Variants in LSAMP observed in about 807,000 individuals in gnomAD.
LSAMP encodes the protein limbic system associated membrane protein.
Under a neutral mutation model 38.6 loss-of-function variants are expected in LSAMP, and 7 were observed. That is an observed-to-expected ratio of 0.18 (90% CI 0.10 to 0.34). The LOEUF (loss-of-function observed/expected upper bound fraction) is 0.34, where lower values mean the gene tolerates loss of function less well. Ranked by LOEUF, LSAMP falls within the 10% of genes least tolerant of loss-of-function variation. LSAMP has a pLI of 1.00. For synonymous variants in LSAMP, 154 were observed against 166.8 expected, an observed-to-expected ratio of 0.92 and a Z score of 0.59; for missense variants, 313 against 420.0, an observed-to-expected ratio of 0.75 and a Z score of 2.23.
intron 1 of LSAMP, among the ~76,000 whole-genome samples, chr3:116,438,360 CT>C (rs1426536526): frequency 6.6e-6 from 1 of 152,080 alleles, no homozygotes; most frequent in Non-Finnish European, 1.5e-5. Context: ...ATAAAAATAG[CT>C]TGTGTAGTAG....
At chr3:116,099,925 T>C (rs1282843717) in intron 1 of LSAMP, among the ~76,000 whole-genome samples, 3 of 152,182 alleles carry the variant, frequency 2.0e-5, no homozygotes, top group Non-Finnish European at 4.4e-5. Flanking sequence ...AGCTGCTCCA[T>C]GTAGATATTT....
At chr3:116,145,062 A>G (rs1016186077) in intron 1 of LSAMP, among the ~76,000 whole-genome samples, 4 of 151,850 alleles carry the variant, frequency 2.6e-5, no homozygotes, top group Non-Finnish European at 5.9e-5. Flanking sequence ...TGATTTTAAT[A>G]TTATCGCTTT....
At chr3:116,393,449 T>C (rs1270526500) in intron 1 of LSAMP, among the ~76,000 whole-genome samples, 1 of 152,196 alleles carries the variant, frequency 6.6e-6, no homozygotes, top group Non-Finnish European at 1.5e-5. Context: ...CATCTGACAG[T>C]GCACAGTGCC....
chr3:116,089,195 A>C (rs947395364), intron 1 of LSAMP, among the ~76,000 whole-genome samples: 3 of 152,244 alleles, frequency 2.0e-5, no homozygotes, highest in African/African-American at 4.8e-5. Flanking sequence ...TGCCAGATGC[A>C]TAAAAGTGCA....
intron 3 of LSAMP, among the ~76,000 whole-genome samples, chr3:115,889,876 T>C (rs1265276050): frequency 1.3e-5 from 2 of 151,918 alleles, no homozygotes; most frequent in African/African-American, 4.8e-5. Flanking sequence ...ACAAATCATA[T>C]TAAGAGCATC....
chr3:116,248,603 T>C (rs2046634381), intron 1 of LSAMP, among the ~76,000 whole-genome samples: 1 of 151,506 alleles, frequency 6.6e-6, no homozygotes, highest in Non-Finnish European at 1.5e-5. Flanking sequence ...GCTTGACCTG[T>C]CAAAAACGCA....
At chr3:115,982,900 C>G (rs1939403502) in intron 3 of LSAMP, among the ~76,000 whole-genome samples, 1 of 146,008 alleles carries the variant, frequency 6.8e-6, no homozygotes, top group African/African-American at 2.5e-5. Context: ...TATCTCTTTT[C>G]TCCGTCTTAA....
intron 3 of LSAMP, among the ~76,000 whole-genome samples, chr3:115,940,519 GCTGGCTTC>G (rs1192640194): frequency 1.4e-4 from 21 of 152,188 alleles, no homozygotes; most frequent in Admixed American, 3.9e-4. Context: ...CAGAAGCTCA[GCTGGCTTC>G]ACCTCTCAGT....
intron 2 of LSAMP, among the ~76,000 whole-genome samples, chr3:116,075,003 A>G (rs1576347669): frequency 6.6e-6 from 1 of 151,038 alleles, no homozygotes; most frequent in East Asian, 2.0e-4. Flanking sequence ...CCTCTGGCAA[A>G]TTTTGTATTT....
intron 1 of LSAMP, among the ~76,000 whole-genome samples, chr3:116,292,421 G>T (rs2047279322): frequency 6.6e-6 from 1 of 152,160 alleles, no homozygotes; most frequent in Non-Finnish European, 1.5e-5. Flanking sequence ...TTGTATAAAT[G>T]TGTGCTGCCT....
intron 3 of LSAMP, among the ~76,000 whole-genome samples, chr3:115,855,857 C>A (rs767713644): frequency 6.6e-6 from 1 of 152,176 alleles, no homozygotes; most frequent in Non-Finnish European, 1.5e-5. Flanking sequence ...CACCCCTGGG[C>A]CCTCCCTGTT....
chr3:115,829,740 G>A (rs1380070282), intron 6 of LSAMP, among the ~76,000 whole-genome samples: 1 of 152,192 alleles, frequency 6.6e-6, no homozygotes, highest in Non-Finnish European at 1.5e-5. Context: ...TATGATATTG[G>A]TAAGAAAATA....
chr3:115,953,228 T>C (rs900713923), intron 3 of LSAMP, among the ~76,000 whole-genome samples: 1 of 152,148 alleles, frequency 6.6e-6, no homozygotes, highest in Non-Finnish European at 1.5e-5. Flanking sequence ...TTTTTGCTGA[T>C]ACAGTGTAAC....
At chr3:115,873,159 C>G (rs2107403308) in intron 3 of LSAMP, among the ~76,000 whole-genome samples, 1 of 152,142 alleles carries the variant, frequency 6.6e-6, no homozygotes, top group Non-Finnish European at 1.5e-5. Flanking sequence ...CATCTGAGGT[C>G]AGGAGTTCAA....
chr3:116,416,534 G>A (rs924708380), intron 1 of LSAMP, among the ~76,000 whole-genome samples: 3 of 152,130 alleles, frequency 2.0e-5, no homozygotes, highest in African/African-American at 4.8e-5. Context: ...AGTTGTCAAG[G>A]CTGGAATACA....
At chr3:116,193,139 C>T (rs1455218214) in intron 1 of LSAMP, among the ~76,000 whole-genome samples, 1 of 152,184 alleles carries the variant, frequency 6.6e-6, no homozygotes, top group Non-Finnish European at 1.5e-5. Flanking sequence ...TCCCTAAAAT[C>T]ATGAGTTAAA....
intron 3 of LSAMP, among the ~76,000 whole-genome samples, chr3:115,959,758 A>C (rs1464280967): frequency 6.6e-6 from 1 of 152,142 alleles, no homozygotes; most frequent in African/African-American, 2.4e-5. Context: ...ACACTCACTA[A>C]AAGGTAGCTG....
chr3:116,126,935 C>A (rs944792303), intron 1 of LSAMP, among the ~76,000 whole-genome samples: 6 of 152,188 alleles, frequency 3.9e-5, no homozygotes, highest in African/African-American at 1.4e-4. Context: ...AGTACTTGCA[C>A]ATGCTATTTA....
chr3:116,247,042 A>T (rs2046614003), intron 1 of LSAMP, among the ~76,000 whole-genome samples: 1 of 152,208 alleles, frequency 6.6e-6, no homozygotes, highest in Non-Finnish European at 1.5e-5. Context: ...ATATGTGATT[A>T]GAAAACAAGC....
Sources: allele counts gnomAD v4.1 joint callset (sites outside exome capture counted in the v4.1 genomes callset), GRCh38; gene constraint gnomAD v4.1.1; transcripts MANE v1.5; gene names NCBI Gene and HGNC (gene_info 2026-07-23, HGNC 2026-07-21).